Variants in KBTBD3 observed in about 807,000 individuals in gnomAD.
KBTBD3 encodes kelch repeat and BTB domain containing 3.
KBTBD3 carries 38 observed loss-of-function variants against 49.6 expected under a neutral mutation model. That is an observed-to-expected ratio of 0.77 (90% CI 0.59 to 1.00). The LOEUF (loss-of-function observed/expected upper bound fraction) is 1.00. Ranked by LOEUF, KBTBD3 falls within the 50% of genes least tolerant of loss-of-function variation. The pLI is 0.00. For synonymous variants in KBTBD3, 214 were observed against 250.4 expected, an observed-to-expected ratio of 0.85 and a Z score of 1.37; for missense variants, 661 against 712.0, an observed-to-expected ratio of 0.93 and a Z score of 0.81.
Position 106,062,364 on chromosome 11 carries a change from T to C in KBTBD3, c.-12-3255A>G, listed in dbSNP as rs112233696. Among the ~76,000 whole-genome samples, 1,274 of 151,898 alleles carry C rather than the reference T, an allele frequency of 8.4e-3. 23 individuals carry two copies. The highest frequency in any genetic ancestry group is 0.029 in the African/African-American group (1,202 of 41,362). Reference sequence around the variant, plus strand: ...GATTTATTATAAGCTCATGTGATAATAGAGGCTAAGAAGTCCCAAGATCTA... The same window carrying C: ...GATTTATTATAAGCTCATGTGATAACAGAGGCTAAGAAGTCCCAAGATCTA... On this transcript the variant is annotated intron_variant, in intron 2 of 3. Coordinates refer to ENST00000531837, the MANE Select transcript of KBTBD3 (RefSeq NM_198439.3).
At chr11:106,076,321 C>A (rs1432915911) in intron 2 of KBTBD3, 186 bp downstream of exon 2, 1 of 152,150 alleles carries the variant, frequency 6.6e-6, no homozygotes, top group Non-Finnish European at 1.5e-5. Context: ...GCCAATAATT[C>A]GTTTTACTGT....
intron 2 of KBTBD3, among the ~76,000 whole-genome samples, chr11:106,072,736 T>A (rs1860943894): frequency 6.6e-6 from 1 of 152,208 alleles, no homozygotes; most frequent in Non-Finnish European, 1.5e-5. Flanking sequence ...CACTGGGTCC[T>A]ACAGTGATCT....
Position 106,054,275 on chromosome 11 carries a change from G to C in KBTBD3, c.414C>G (p.Ser138=), listed in dbSNP as rs1860505928. Residue 138 remains serine, a synonymous_variant, in exon 4 of 4, where the codon TCC becomes TCG. Coordinates refer to ENST00000531837, the MANE Select transcript of KBTBD3 (RefSeq NM_198439.3). ...TTATTAAAAAGTCACTGCAAGCTTT[G>C]GATAGGAAGGAAACTTGAAGAAATG... ...LSSFLQVSFL[S]KACSDFLIKS... is the part of the protein sequence containing the mutation. 5.0e-6 allele frequency: 8 copies of C among 1,612,802 alleles called. No homozygotes were observed. The highest frequency in any genetic ancestry group is 6.8e-6 in the Non-Finnish European group (8 of 1,179,376).
chr11:106,059,029 C>T lies in KBTBD3; in HGVS notation c.69G>A (p.Glu23=). ...QRSTCNGIPS[E]KKNNFLVSED... ...CTGATACAAGGAAGTTGTTTTTCTT[C>T]TCAGATGGAATTCCATTACATGTGC... The change falls in exon 3 of 4, where the codon GAG becomes GAA. Residue 23 remains glutamate (E), a synonymous_variant. Coordinates refer to ENST00000531837, the MANE Select transcript of KBTBD3 (RefSeq NM_198439.3). 1 of 1,556,960 alleles carries T rather than the reference C, an allele frequency of 6.4e-7. No individual in the cohort carries two copies. Among genetic ancestry groups the T allele is most frequent in the Non-Finnish European group, 8.6e-7 (1 of 1,162,510 alleles).
Position 106,051,502 on chromosome 11 carries a change from A to C in KBTBD3, c.*1348T>G, listed in dbSNP as rs1191928888. On this transcript the variant is annotated 3_prime_UTR_variant, in exon 4 of 4. Coordinates refer to ENST00000531837, the MANE Select transcript of KBTBD3 (RefSeq NM_198439.3). ...TCTACTTAGGAACACACTTTTAAAG[A>C]ATGTGCACATTTGAGAAAGATTAAC... 6.6e-6 allele frequency: 1 copy of C among 151,956 alleles called. No individual in the cohort carries two copies. The highest frequency in any genetic ancestry group is 1.5e-5 in the Non-Finnish European group (1 of 67,876). The allele number at this position is 151,956 out of a possible 1,614,324, so 9.4% of individuals were successfully genotyped here. A position where few individuals can be genotyped will look rare whatever the true frequency, so the allele number is the denominator to read the frequency against.
At chr11:106,060,925 G>A (rs772093105) in intron 2 of KBTBD3, among the ~76,000 whole-genome samples, 58 of 151,982 alleles carry the variant, frequency 3.8e-4, no homozygotes, top group Non-Finnish European at 7.4e-4. Context: ...GAATCTACAA[G>A]GAACTTAAAC....
At chr11:106,058,748 T>C (rs1282331173) in intron 3 of KBTBD3, 117 bp downstream of exon 3, 5 of 694,522 alleles carry the variant, frequency 7.2e-6, no homozygotes, top group East Asian at 6.3e-5. Flanking sequence ...TTTTGTTTTT[T>C]TTTTTAGAAT....
At chr11:106,055,888 T>C (rs1860540695) in intron 3 of KBTBD3, among the ~76,000 whole-genome samples, 1 of 152,232 alleles carries the variant, frequency 6.6e-6, no homozygotes, top group Admixed American at 6.5e-5. Context: ...CCACATTTTC[T>C]TTGAGAAGAC....
At chr11:106,064,118 G>C (rs961923417) in intron 2 of KBTBD3, among the ~76,000 whole-genome samples, 1 of 152,150 alleles carries the variant, frequency 6.6e-6, no homozygotes, top group Non-Finnish European at 1.5e-5. Context: ...GCATAAGAGC[G>C]AAGTTGAACA....
intron 2 of KBTBD3, among the ~76,000 whole-genome samples, chr11:106,066,950 A>G (rs895806379): frequency 1.3e-5 from 2 of 152,202 alleles, no homozygotes; most frequent in African/African-American, 4.8e-5. Flanking sequence ...CAGACTGACT[A>G]GTGATCTGAG....
In KBTBD3 at chr11:106,053,942, C is replaced by A. The variant is rs776097873; in HGVS notation, c.747G>T (p.Glu249Asp). Reference sequence around the variant, plus strand: ...CATTGAACAGACAGTCCTGAAGTGTCTCCTCAGATAACTGATGTAATCTCA... The same window carrying A: ...CATTGAACAGACAGTCCTGAAGTGTATCCTCAGATAACTGATGTAATCTCA... Reference protein sequence around the residue: ...EKVRLHQLSEETLQDCLFNEE... With the variant: ...EKVRLHQLSEDTLQDCLFNEE... Residue 249 changes from glutamate (E) to aspartate (D), a missense_variant, in exon 4 of 4, where the codon GAG becomes GAT. Physicochemically the swap from Glu to Asp is conservative, Grantham distance 45. Transcript: ENST00000531837. The A allele has an allele frequency of 1.2e-6, 2 of 1,613,892 alleles. No individual in the cohort carries two copies. The highest frequency in any genetic ancestry group is 1.7e-6 in the Non-Finnish European group (2 of 1,179,906).
chr11:106,069,605 AT>A (rs1860880469), intron 2 of KBTBD3, among the ~76,000 whole-genome samples: 1 of 151,964 alleles, frequency 6.6e-6, no homozygotes, highest in Non-Finnish European at 1.5e-5. Flanking sequence ...AAAAAAAAAA[AT>A]AAAAGAAGAC....
chr11:106,068,899 T>C (rs952883990), intron 2 of KBTBD3, among the ~76,000 whole-genome samples: 1 of 152,184 alleles, frequency 6.6e-6, no homozygotes, highest in Non-Finnish European at 1.5e-5. Flanking sequence ...GTTTCAATAT[T>C]TGAATACCGA....
chr11:106,073,761 G>GA (rs2135026149), intron 2 of KBTBD3, among the ~76,000 whole-genome samples: 1 of 152,344 alleles, frequency 6.6e-6, no homozygotes, highest in African/African-American at 2.4e-5. Context: ...TTAATGAAAG[G>GA]AAGAGGGTTA....
chr11:106,063,591 T>A (rs1349694404), intron 2 of KBTBD3, among the ~76,000 whole-genome samples: 1 of 152,232 alleles, frequency 6.6e-6, no homozygotes, highest in Non-Finnish European at 1.5e-5. Flanking sequence ...ATTTGTAAAC[T>A]GCAGATAAAC....
chr11:106,057,016 A>G (rs1408364456), intron 3 of KBTBD3, among the ~76,000 whole-genome samples: 1 of 152,218 alleles, frequency 6.6e-6, no homozygotes, highest in Non-Finnish European at 1.5e-5. Context: ...AGAATAGATG[A>G]AGACATATAG....
chr11:106,067,380 G>C (rs1192803139), intron 2 of KBTBD3, among the ~76,000 whole-genome samples: 5 of 152,184 alleles, frequency 3.3e-5, no homozygotes, highest in African/African-American at 1.2e-4. Flanking sequence ...GAGGAGGGCA[G>C]ATTACCTGAG....
rs1232679143 is a variant in KBTBD3, at chr11:106,068,475, T to A, written c.-13+8032A>T. ...AAATCTAAAATACAATATATCAAAA[T>A]GTGTATGATGCAGCTAAAATAGTGT... On this transcript the variant is annotated intron_variant, in intron 2 of 3. Coordinates refer to ENST00000531837, the MANE Select transcript of KBTBD3 (RefSeq NM_198439.3). Among the ~76,000 whole-genome samples the A allele has an allele frequency of 2.6e-5, 4 of 152,130 alleles. No individual in the cohort carries two copies. The East Asian group carries it at 7.7e-4, about 29-fold the overall frequency.
chr11:106,070,394 A>G lies in KBTBD3; in HGVS notation c.-13+6113T>C, dbSNP rs559160062. ...CTATAAAGAAATCTGAAAACTTACC[A>G]GTAAAAACACCAGACAATTCAATTT... On this transcript the variant is annotated intron_variant, in intron 2 of 3. Coordinates refer to ENST00000531837, the MANE Select transcript of KBTBD3 (RefSeq NM_198439.3). Among the ~76,000 whole-genome samples the G allele has an allele frequency of 6.2e-4, 94 of 152,220 alleles. 1 individual carries two copies. The South Asian group carries it at 0.019, about 31-fold the overall frequency.
Sources: allele counts gnomAD v4.1 joint callset (sites outside exome capture counted in the v4.1 genomes callset), GRCh38; gene constraint gnomAD v4.1.1; transcripts MANE v1.5; gene names NCBI Gene and HGNC (gene_info 2026-07-23, HGNC 2026-07-21).